The following PPARGC1A variants were observed in gnomAD, a reference collection of about 807,000 sequenced individuals.
PPARGC1A encodes the protein peroxisome proliferator-activated receptor gamma coactivator 1-alpha.
PPARGC1A carries 25 observed loss-of-function variants against 88.7 expected under a neutral mutation model. The ratio of observed to expected loss-of-function variants is 0.28; its 90% CI spans 0.21 to 0.39. The LOEUF is 0.39. PPARGC1A is among the 10% of genes least tolerant of loss of function. The pLI, the probability that PPARGC1A is intolerant of heterozygous loss-of-function variation, is 1.00. For missense variants in PPARGC1A, 880 were observed against 968.7 expected (o/e 0.91, Z 1.22); for synonymous variants, 363 against 355.6 (o/e 1.02, Z -0.24).
At chr4:24,058,589 C>T in the PPARGC1A span, among the ~76,000 whole-genome samples, 2 of 152,086 alleles carry the variant, frequency 1.3e-5, no homozygotes, top group Non-Finnish European at 2.9e-5. Flanking sequence ...AAAAGGGAAA[C>T]AAAAGGGACA....
chr4:24,470,600 C>T, the PPARGC1A span, among the ~76,000 whole-genome samples: 6 of 152,116 alleles, frequency 3.9e-5, no homozygotes, highest in South Asian at 2.1e-4. This position sits in a 1 kb window ranked among gnomAD's most constrained non-coding sequence, Gnocchi z 5.8. Context: ...CTACTCGCAG[C>T]GAGGCCTCGT....
At chr4:24,099,309 A>AAG in the PPARGC1A span, among the ~76,000 whole-genome samples, 15 of 146,400 alleles carry the variant, frequency 1.0e-4, no homozygotes, top group African/African-American at 3.8e-4. Flanking sequence ...AAAAAAAAAA[A>AAG]GACCCCCAGC....
At chr4:24,150,181 C>T in the PPARGC1A span, among the ~76,000 whole-genome samples, 20 of 152,012 alleles carry the variant, frequency 1.3e-4, no homozygotes, top group African/African-American at 2.7e-4. Flanking sequence ...AGAGACACAC[C>T]GGGCAGTGTT....
the PPARGC1A span, among the ~76,000 whole-genome samples, chr4:24,378,156 G>A: frequency 1.3e-5 from 2 of 152,006 alleles, no homozygotes; most frequent in Non-Finnish European, 2.9e-5. Flanking sequence ...GGCCAACATG[G>A]TAAAACCCCA....
chr4:24,177,029 C>G, the PPARGC1A span, among the ~76,000 whole-genome samples: 6 of 152,240 alleles, frequency 3.9e-5, 1 homozygote, highest in African/African-American at 1.4e-4. Flanking sequence ...GGACTGTAAA[C>G]TAGTTCAACC....
the PPARGC1A span, among the ~76,000 whole-genome samples, chr4:24,188,440 T>C: frequency 1.3e-5 from 2 of 152,118 alleles, no homozygotes; most frequent in Non-Finnish European, 2.9e-5. Context: ...TATGAATGTA[T>C]GTAATACCGC....
At chr4:23,871,913 C>T (rs984513466) in intron 2 of PPARGC1A, among the ~76,000 whole-genome samples, 2 of 152,096 alleles carry the variant, frequency 1.3e-5, no homozygotes, top group African/African-American at 4.8e-5. Context: ...TTGAGTAAGG[C>T]TTGGTAGGGA....
chr4:24,055,602 A>G, the PPARGC1A span, among the ~76,000 whole-genome samples: 11 of 152,386 alleles, frequency 7.2e-5, no homozygotes, highest in East Asian at 1.4e-3. Context: ...AACTTGGCAG[A>G]AAGATTAAGA....
At chr4:24,018,243 T>C in the PPARGC1A span, among the ~76,000 whole-genome samples, 1 of 152,238 alleles carries the variant, frequency 6.6e-6, no homozygotes, top group Non-Finnish European at 1.5e-5. Flanking sequence ...AAAGACTTGA[T>C]ATAGAACTAT....
the PPARGC1A span, among the ~76,000 whole-genome samples, chr4:24,038,182 T>C: frequency 3.9e-5 from 6 of 152,284 alleles, no homozygotes; most frequent in South Asian, 2.1e-4. Flanking sequence ...CATGACCTTG[T>C]AGAGCAAAAT....
the PPARGC1A span, among the ~76,000 whole-genome samples, chr4:24,172,829 G>A: frequency 3.3e-5 from 5 of 152,146 alleles, no homozygotes; most frequent in Admixed American, 6.5e-5. Context: ...ATACACCGCC[G>A]TGTTTCCTTT....
chr4:23,895,999 C>T (rs993941851), intron 1 of PPARGC1A, among the ~76,000 whole-genome samples: 2 of 142,736 alleles, frequency 1.4e-5, no homozygotes, highest in Non-Finnish European at 3.0e-5. Flanking sequence ...TATACACACA[C>T]ATATTTATAT....
At chr4:24,181,900 A>G in the PPARGC1A span, among the ~76,000 whole-genome samples, 10 of 152,266 alleles carry the variant, frequency 6.6e-5, no homozygotes, top group Middle Eastern at 3.4e-3. Context: ...AAAACAAGAT[A>G]AAGTTCCCTT....
chr4:23,951,870 A>G, the PPARGC1A span, among the ~76,000 whole-genome samples: 3 of 152,162 alleles, frequency 2.0e-5, no homozygotes, highest in Admixed American at 6.6e-5. Context: ...TTCATCAGTG[A>G]TATGTGTAAA....
chr4:24,074,415 T>C, the PPARGC1A span, among the ~76,000 whole-genome samples: 8,037 of 152,236 alleles, frequency 0.053, 629 homozygotes, highest in African/African-American at 0.17. Context: ...AGGTTGCCTT[T>C]CTCCTGATTC....
chr4:23,800,721 T>C (rs1718510077), intron 12 of PPARGC1A, among the ~76,000 whole-genome samples: 1 of 151,490 alleles, frequency 6.6e-6, no homozygotes, highest in African/African-American at 2.4e-5. Context: ...GGCTGATACA[T>C]GATTTTAATT....
At chr4:24,354,893 AAAAC>A in the PPARGC1A span, among the ~76,000 whole-genome samples, 3 of 151,496 alleles carry the variant, frequency 2.0e-5, no homozygotes, top group Non-Finnish European at 4.4e-5. Context: ...AAAAAAAACA[AAAAC>A]AAACAAACAA....
chr4:24,084,385 G>A, the PPARGC1A span, among the ~76,000 whole-genome samples: 15 of 152,330 alleles, frequency 9.8e-5, no homozygotes, highest in African/African-American at 3.6e-4. Flanking sequence ...GCCGCAGGCT[G>A]GTTTCATAAT....
At chr4:23,984,481 C>A in the PPARGC1A span, among the ~76,000 whole-genome samples, 2 of 151,996 alleles carry the variant, frequency 1.3e-5, no homozygotes, top group African/African-American at 2.4e-5. Flanking sequence ...ATCATGTGTG[C>A]TTTGGCATAT....
Sources: gnomAD v4.1 joint callset for allele counts (sites outside exome capture counted in the v4.1 genomes callset) on GRCh38, gnomAD v4.1.1 for gene constraint, Gnocchi (gnomAD v3.1) non-coding constraint, MANE v1.5 for transcripts, NCBI Gene and HGNC (gene_info 2026-07-23, HGNC 2026-07-21) for gene names.